The following PON1 variants were observed in gnomAD, a reference collection of about 807,000 sequenced individuals.
PON1 encodes the protein serum paraoxonase/arylesterase 1.
PON1 carries 37 observed loss-of-function variants against 39.2 expected under a neutral mutation model. The ratio of observed to expected loss-of-function variants is 0.94; its 90% CI spans 0.73 to 1.24. PON1 has a LOEUF of 1.24. Among genes scored for constraint, PON1 ranks in the 50% most tolerant of loss-of-function variants. PON1 has a pLI of 0.00. For synonymous variants in PON1, 148 were observed against 152.2 expected (o/e 0.97, Z 0.21); for missense variants, 397 against 413.5 (o/e 0.96, Z 0.35).
Position 95,312,836 on chromosome 7 carries a change from G to A in PON1, c.371-1259C>T, listed in dbSNP as rs113955409. On this transcript the variant is annotated intron_variant, in intron 4 of 8. Coordinates refer to ENST00000222381, the MANE Select transcript of PON1 (RefSeq NM_000446.7). Reference sequence around the variant, plus strand: ...TGTGCTGGGAGTGTGCAAAGGCCCCGGGGCAGAACTTCCTGGACATATTCA... The same window carrying A: ...TGTGCTGGGAGTGTGCAAAGGCCCCAGGGCAGAACTTCCTGGACATATTCA... 2.4e-4 allele frequency among the ~76,000 whole-genome samples: 37 copies of A among 152,230 alleles called. 1 individual carries two copies. Among genetic ancestry groups the A allele is most frequent in the Non-Finnish European group, 2.4e-4 (16 of 68,024 alleles).
At chr7:95,301,627 T>A (rs922616816) in intron 8 of PON1, among the ~76,000 whole-genome samples, 1 of 152,128 alleles carries the variant, frequency 6.6e-6, no homozygotes, top group African/African-American at 2.4e-5. Context: ...TACCCTACAC[T>A]GTGTCCACAC....
At chr7:95,301,728 C>T (rs1449398919) in intron 8 of PON1, among the ~76,000 whole-genome samples, 1 of 152,080 alleles carries the variant, frequency 6.6e-6, no homozygotes, top group Non-Finnish European at 1.5e-5. Flanking sequence ...ACTAAAGCAC[C>T]TCCAAAAGCC....
At chr7:95,318,976 A>G (rs1439509735) in intron 1 of PON1, among the ~76,000 whole-genome samples, 1 of 152,184 alleles carries the variant, frequency 6.6e-6, no homozygotes, top group Non-Finnish European at 1.5e-5. Context: ...ATGAGTGCAT[A>G]AACACCATAG....
chr7:95,305,843 G>A (rs1042898297), intron 7 of PON1, among the ~76,000 whole-genome samples: 2 of 152,018 alleles, frequency 1.3e-5, no homozygotes, highest in Admixed American at 1.3e-4. Context: ...TCGTGAGCAC[G>A]TGGACTTCAT....
At chr7:95,323,314 C>T (rs1807941363) in intron 1 of PON1, among the ~76,000 whole-genome samples, 1 of 152,128 alleles carries the variant, frequency 6.6e-6, no homozygotes, top group Non-Finnish European at 1.5e-5. Flanking sequence ...CTTTGGCAGC[C>T]ACCAGCACTG....
At chr7:95,299,946 T>C (rs548766077) in intron 8 of PON1, among the ~76,000 whole-genome samples, 11 of 152,288 alleles carry the variant, frequency 7.2e-5, no homozygotes, top group African/African-American at 2.6e-4. Flanking sequence ...ACTAACTGGA[T>C]GTTTACACTT....
intron 8 of PON1, 90 bp downstream of exon 8, chr7:95,302,115 A>AAC: frequency 1.3e-6 from 1 of 761,446 alleles, no homozygotes; most frequent in Non-Finnish European, 1.8e-6. Flanking sequence ...AAAAAAAAAA[A>AAC]AAAAAACCAA....
intron 8 of PON1, among the ~76,000 whole-genome samples, 175 bp downstream of exon 8, chr7:95,302,030 G>A (rs781765850): frequency 9.0e-5 from 13 of 144,692 alleles, no homozygotes; most frequent in Non-Finnish European, 1.6e-4. Context: ...CCGGGAGGCG[G>A]AGCTTGCAGT....
chr7:95,311,112 G>A (rs1807642935), intron 5 of PON1, among the ~76,000 whole-genome samples: 2 of 152,142 alleles, frequency 1.3e-5, no homozygotes, highest in Non-Finnish European at 1.5e-5. Context: ...AAATAAATAA[G>A]CTCATGATGT....
chr7:95,311,703 A>G (rs1807659051), intron 4 of PON1, 126 bp from the exon 5 acceptor site: 2 of 1,031,804 alleles, frequency 1.9e-6, no homozygotes, highest in African/African-American at 1.6e-5. Context: ...GAATATTTTC[A>G]TCTCTTTGTA....
chr7:95,315,551 G>A (rs1265742677), intron 3 of PON1, 61 bp from the exon 4 acceptor site: 4 of 1,532,088 alleles, frequency 2.6e-6, no homozygotes, highest in East Asian at 4.5e-5. Context: ...GCTAATAGAG[G>A]CGCTGCATGG....
chr7:95,299,160 T>G, intron 8 of PON1, 58 bp from the exon 9 acceptor site: 7 of 1,505,784 alleles, frequency 4.6e-6, no homozygotes, highest in Non-Finnish European at 4.6e-6. Context: ...AACAACCTTA[T>G]GCATAATAGG....
At chr7:95,311,992 G>A (rs1807665573) in intron 4 of PON1, among the ~76,000 whole-genome samples, 1 of 152,200 alleles carries the variant, frequency 6.6e-6, no homozygotes, top group Non-Finnish European at 1.5e-5. Flanking sequence ...ACATTCCATA[G>A]AAGAACATCT....
chr7:95,316,818 G>C (rs545235432), intron 2 of PON1, 29 bp from the exon 3 acceptor site: 5 of 1,580,578 alleles, frequency 3.2e-6, no homozygotes, highest in Non-Finnish European at 4.4e-6. Context: ...GAAAGTACAG[G>C]TTGTTTCATA....
At chr7:95,319,956 T>G (rs1395606604) in intron 1 of PON1, among the ~76,000 whole-genome samples, 1 of 152,250 alleles carries the variant, frequency 6.6e-6, no homozygotes, top group Non-Finnish European at 1.5e-5. Context: ...ATGTTGGTAA[T>G]TATTTACTAA....
rs780040268 is a variant in PON1 at position 95,298,788 on chromosome 7, T to A, written c.*156A>T. ...TATTCTCAAAAAAAAGCCCTACACA[T>A]CATATCACTCCCAGTTAAACAGTGC... On this transcript the variant is annotated 3_prime_UTR_variant, in exon 9 of 9. Transcript: ENST00000222381. 5 of 889,598 alleles carry A rather than the reference T, an allele frequency of 5.6e-6. No individual in the cohort carries two copies. Among genetic ancestry groups the A allele is most frequent in the Non-Finnish European group, 7.3e-6 (4 of 549,460 alleles). The allele number at this position is 889,598 out of a possible 1,614,324, so 55.1% of individuals were successfully genotyped here. A position where few individuals can be genotyped will look rare whatever the true frequency, so the allele number is the denominator to read the frequency against.
rs376483248 is a variant in PON1 at position 95,310,711 on chromosome 7, T to TA, written c.497+739dup. ...AAGAGTACAAATCTAGATTTACAGATATGGAGGTAGTCAAATGCTGTACAT... is the reference window on the plus strand; with the variant it reads ...AAGAGTACAAATCTAGATTTACAGATAATGGAGGTAGTCAAATGCTGTACAT... On this transcript the variant is annotated intron_variant, in intron 5 of 8. Coordinates refer to ENST00000222381, the MANE Select transcript of PON1 (RefSeq NM_000446.7). Among the ~76,000 whole-genome samples, 303 of 152,288 alleles carry TA rather than the reference T, an allele frequency of 2.0e-3. 1 individual carries two copies. The highest frequency in any genetic ancestry group is 6.8e-3 in the African/African-American group (284 of 41,560).
At chr7:95,301,876 A>C (rs556683403) in intron 8 of PON1, among the ~76,000 whole-genome samples, 1 of 151,270 alleles carries the variant, frequency 6.6e-6, no homozygotes, top group South Asian at 2.1e-4. Context: ...TCACAAGGTC[A>C]GCAGATCAAG....
chr7:95,317,414 A>C (rs1285587231), intron 2 of PON1, among the ~76,000 whole-genome samples: 1 of 152,070 alleles, frequency 6.6e-6, no homozygotes, highest in East Asian at 1.9e-4. Flanking sequence ...CACTTAGTGG[A>C]AAGTTTGCTT....
Sources: gnomAD v4.1 joint callset for allele counts (sites outside exome capture counted in the v4.1 genomes callset) on GRCh38, gnomAD v4.1.1 for gene constraint, MANE v1.5 for transcripts, NCBI Gene and HGNC (gene_info 2026-07-23, HGNC 2026-07-21) for gene names.